The following CBFA2T2 variants were observed in gnomAD, a reference collection of about 807,000 sequenced individuals.
The protein encoded by CBFA2T2 is CBFA2/RUNX1 partner transcriptional co-repressor 2.
CBFA2T2 carries 11 observed loss-of-function variants against 62.2 expected under a neutral mutation model. The ratio of observed to expected loss-of-function variants is 0.18; its 90% confidence interval spans 0.11 to 0.29. The LOEUF (loss-of-function observed/expected upper bound fraction) is 0.29, where lower values mean the gene tolerates loss of function less well. Ranked by LOEUF, CBFA2T2 falls within the 10% of genes least tolerant of loss-of-function variation. The pLI is 1.00. For synonymous variants in CBFA2T2, 295 were observed against 287.5 expected, an observed-to-expected ratio of 1.03 and a Z score of -0.27; for missense variants, 592 against 774.1, an observed-to-expected ratio of 0.76 and a Z score of 2.79.
intron 2 of CBFA2T2, among the ~76,000 whole-genome samples, chr20:33,609,868 GTTTC>G (rs538940120): frequency 2.1e-4 from 32 of 152,256 alleles, no homozygotes; most frequent in Middle Eastern, 3.4e-3. Context: ...GTCTTAAATT[GTTTC>G]TTATGTTTTT....
intron 1 of CBFA2T2, among the ~76,000 whole-genome samples, chr20:33,518,713 G>A (rs1343284756): frequency 3.3e-5 from 5 of 151,716 alleles, no homozygotes; most frequent in East Asian, 1.9e-4. Context: ...CAGAGGTTGC[G>A]GTGAGCTGAT....
At chr20:33,611,757 T>G (rs2015538783) in intron 3 of CBFA2T2, among the ~76,000 whole-genome samples, 1 of 152,204 alleles carries the variant, frequency 6.6e-6, no homozygotes, top group Non-Finnish European at 1.5e-5. Flanking sequence ...TCAAGCAGTC[T>G]GCCTGTCTCG....
intron 1 of CBFA2T2, among the ~76,000 whole-genome samples, chr20:33,591,398 C>CG (rs1331409571): frequency 6.8e-6 from 1 of 147,704 alleles, no homozygotes; most frequent in Non-Finnish European, 1.5e-5. Context: ...TGCTTGAACC[C>CG]GGGAGGCCGA....
chr20:33,618,589 G>A (rs1358333657), intron 3 of CBFA2T2: 2 of 152,206 alleles, frequency 1.3e-5, no homozygotes, highest in Admixed American at 1.3e-4. Context: ...AATGCATACA[G>A]GCCACTTGAA....
chr20:33,507,700 CCAT>C (rs2011427546), intron 1 of CBFA2T2, among the ~76,000 whole-genome samples: 1 of 152,094 alleles, frequency 6.6e-6, no homozygotes, highest in Non-Finnish European at 1.5e-5. Flanking sequence ...TATGACTGCA[CCAT>C]ACTTTTTCCC....
At chr20:33,499,881 A>G (rs1341241160) in intron 1 of CBFA2T2, among the ~76,000 whole-genome samples, 2 of 152,206 alleles carry the variant, frequency 1.3e-5, no homozygotes, top group Non-Finnish European at 1.5e-5. Flanking sequence ...GTTAATAAGT[A>G]GTAGATTCAC....
At chr20:33,589,647 G>A (rs1319787107) in intron 1 of CBFA2T2, among the ~76,000 whole-genome samples, 1 of 152,126 alleles carries the variant, frequency 6.6e-6, no homozygotes, top group African/African-American at 2.4e-5. Context: ...AATGATTGCT[G>A]TAAACAAGGA....
intron 3 of CBFA2T2, among the ~76,000 whole-genome samples, chr20:33,614,967 T>C (rs2015654935): frequency 6.6e-6 from 1 of 152,240 alleles, no homozygotes; most frequent in African/African-American, 2.4e-5. Context: ...TTAACTCTTT[T>C]TTGTACAGAA....
At chr20:33,635,312 A>G (rs1479619989) in intron 8 of CBFA2T2, among the ~76,000 whole-genome samples, 1 of 152,210 alleles carries the variant, frequency 6.6e-6, no homozygotes, top group Non-Finnish European at 1.5e-5. Flanking sequence ...CACAGTATCT[A>G]CTGTAGGATA....
chr20:33,622,315 T>G (rs1025865347), intron 4 of CBFA2T2, among the ~76,000 whole-genome samples: 1 of 152,224 alleles, frequency 6.6e-6, no homozygotes, highest in African/African-American at 2.4e-5. Context: ...GCTACTTGCA[T>G]GTATTAAAAC....
chr20:33,624,252 AAAAG>A (rs1455650895), intron 5 of CBFA2T2, among the ~76,000 whole-genome samples: 146 of 151,224 alleles, frequency 9.7e-4, no homozygotes, highest in African/African-American at 3.4e-3. Flanking sequence ...AAAAAAAAAA[AAAAG>A]AAAATTTATT....
chr20:33,643,363 G>A (rs1245662598), intron 10 of CBFA2T2, among the ~76,000 whole-genome samples: 3 of 152,182 alleles, frequency 2.0e-5, no homozygotes, highest in Admixed American at 1.3e-4. Flanking sequence ...GTCCTTTGAG[G>A]CCAGGAGGTC....
chr20:33,623,939 T>C (rs1184655007), intron 5 of CBFA2T2: 3 of 568,084 alleles, frequency 5.3e-6, no homozygotes, highest in Non-Finnish European at 9.6e-6. Flanking sequence ...TTGATGCTGT[T>C]TGTAGAAAGA....
At chr20:33,520,789 A>G in intron 1 of CBFA2T2, among the ~76,000 whole-genome samples, 1 of 151,900 alleles carries the variant, frequency 6.6e-6, no homozygotes, top group African/African-American at 2.4e-5. Flanking sequence ...AAAAAGAAAT[A>G]TCTTAAATAA....
At chr20:33,512,234 C>G (rs377139674) in intron 1 of CBFA2T2, among the ~76,000 whole-genome samples, 1 of 151,850 alleles carries the variant, frequency 6.6e-6, no homozygotes, top group Non-Finnish European at 1.5e-5. Flanking sequence ...CCTGTTAATC[C>G]CAGCCTCTCG....
intron 1 of CBFA2T2, among the ~76,000 whole-genome samples, chr20:33,588,245 A>G (rs2014464478): frequency 6.6e-6 from 1 of 152,034 alleles, no homozygotes; most frequent in African/African-American, 2.4e-5. Context: ...AAGTATTGTT[A>G]GTCTTTGTTT....
intron 1 of CBFA2T2, among the ~76,000 whole-genome samples, chr20:33,575,624 T>TTC (rs2013785571): frequency 1.3e-5 from 2 of 151,716 alleles, no homozygotes. Flanking sequence ...TTTTTTTCCT[T>TTC]TTTCGCTAGA....
chr20:33,512,834 G>A (rs976025081), intron 1 of CBFA2T2, among the ~76,000 whole-genome samples: 1 of 150,194 alleles, frequency 6.7e-6, no homozygotes, highest in African/African-American at 2.5e-5. Context: ...CTGACTGCAA[G>A]CTCCGCCTCC....
intron 1 of CBFA2T2, among the ~76,000 whole-genome samples, chr20:33,542,533 A>G (rs1372272853): frequency 6.6e-6 from 1 of 152,058 alleles, no homozygotes; most frequent in Non-Finnish European, 1.5e-5. Flanking sequence ...TTATCAATGT[A>G]TATATATTGT....
Sources: gnomAD v4.1 joint callset for allele counts (sites outside exome capture counted in the v4.1 genomes callset) on GRCh38, gnomAD v4.1.1 for gene constraint, MANE v1.5 for transcripts, NCBI Gene and HGNC (gene_info 2026-07-23, HGNC 2026-07-21) for gene names.